NAALADL2: variants seen among roughly 807,000 people sequenced by gnomAD.
NAALADL2 encodes inactive N-acetylated-alpha-linked acidic dipeptidase-like protein 2.
NAALADL2 carries 76 observed loss-of-function variants against 87.2 expected under a neutral mutation model. That is an observed-to-expected ratio of 0.87 (90% confidence interval 0.72 to 1.05). The LOEUF (loss-of-function observed/expected upper bound fraction) is 1.05. NAALADL2 is among the 50% of genes least tolerant of loss of function. The pLI, the probability that NAALADL2 is intolerant of heterozygous loss-of-function variation, is 0.00. For synonymous variants in NAALADL2, 354 were observed against 331.0 expected (o/e 1.07, Z -0.75); for missense variants, 1,089 against 945.8 (o/e 1.15, Z -1.99).
At chr3:174,460,769 T>C (rs143566669) in intron 1 of NAALADL2, among the ~76,000 whole-genome samples, 1 of 152,210 alleles carries the variant, frequency 6.6e-6, no homozygotes, top group Non-Finnish European at 1.5e-5. Context: ...TGTTGAACAC[T>C]TGTTTGCAAA....
chr3:175,090,862 A>G (rs1719968335), intron 1 of NAALADL2, among the ~76,000 whole-genome samples: 1 of 78,120 alleles, frequency 1.3e-5, no homozygotes, highest in Non-Finnish European at 2.4e-5. Flanking sequence ...GCAACAAATA[A>G]TTATTTCTTT....
chr3:175,387,652 G>A (rs1318026406), intron 5 of NAALADL2, among the ~76,000 whole-genome samples: 1 of 152,030 alleles, frequency 6.6e-6, no homozygotes, highest in African/African-American at 2.4e-5. Context: ...AAACACTAGA[G>A]AAAGATTTGT....
intron 2 of NAALADL2, among the ~76,000 whole-genome samples, chr3:175,132,804 C>A (rs1031957364): frequency 6.6e-6 from 1 of 151,562 alleles, no homozygotes; most frequent in African/African-American, 2.4e-5. Context: ...ACCTCCCTCC[C>A]GGACGGGATG....
At chr3:175,034,905 T>G (rs1177875397) in intron 1 of NAALADL2, among the ~76,000 whole-genome samples, 1 of 152,204 alleles carries the variant, frequency 6.6e-6, no homozygotes, top group Admixed American at 6.6e-5. Flanking sequence ...TTTTATATAT[T>G]TCTTTAATGT....
intron 12 of NAALADL2, among the ~76,000 whole-genome samples, chr3:175,749,446 G>T (rs1746353539): frequency 6.6e-6 from 1 of 152,116 alleles, no homozygotes; most frequent in South Asian, 2.1e-4. Context: ...TAAGATCAAG[G>T]AGCTGGCAGG....
intron 3 of NAALADL2, among the ~76,000 whole-genome samples, chr3:174,851,225 A>G (rs1439420585): frequency 6.6e-6 from 1 of 151,996 alleles, no homozygotes; most frequent in Non-Finnish European, 1.5e-5. Context: ...AACCAAACTC[A>G]ATCTTAGTAG....
At chr3:175,635,200 C>T (rs56295445) in intron 11 of NAALADL2, among the ~76,000 whole-genome samples, 40,476 of 151,870 alleles carry the variant, frequency 0.27, 6,232 homozygotes, top group African/African-American at 0.43. Flanking sequence ...TGTAAAGACA[C>T]GCCTTATACT....
intron 5 of NAALADL2, among the ~76,000 whole-genome samples, chr3:175,325,797 C>T (rs1760635452): frequency 6.6e-6 from 1 of 152,184 alleles, no homozygotes; most frequent in African/African-American, 2.4e-5. Flanking sequence ...ATAATCTAAA[C>T]TTCCTAAAAT....
intron 1 of NAALADL2, among the ~76,000 whole-genome samples, chr3:174,915,800 T>C (rs966091846): frequency 1.2e-4 from 19 of 152,118 alleles, no homozygotes; most frequent in African/African-American, 4.6e-4. Context: ...AAAACTCTTC[T>C]GGACATTGGC....
At chr3:175,334,419 A>G (rs572199638) in intron 5 of NAALADL2, among the ~76,000 whole-genome samples, 4 of 152,230 alleles carry the variant, frequency 2.6e-5, no homozygotes, top group African/African-American at 9.6e-5. Context: ...GGCTCTCATG[A>G]TGATCAATGT....
intron 9 of NAALADL2, among the ~76,000 whole-genome samples, chr3:175,558,426 C>T (rs1715716715): frequency 1.3e-5 from 2 of 152,004 alleles, no homozygotes; most frequent in African/African-American, 4.8e-5. Context: ...AGCTTGTTAA[C>T]TTGATGTGAT....
At chr3:174,797,516 C>G (rs1403718891) in intron 3 of NAALADL2, among the ~76,000 whole-genome samples, 1 of 151,648 alleles carries the variant, frequency 6.6e-6, no homozygotes, top group African/African-American at 2.4e-5. Context: ...AGGGTTTCAC[C>G]ATGCTGGGAT....
rs75401181 is a variant in NAALADL2 at position 174,974,033 on chromosome 3, A to G, written c.43+114583A>G. Among the ~76,000 whole-genome samples the G allele has an allele frequency of 6.4e-3, 973 of 152,342 alleles. 9 individuals carry two copies. The highest frequency in any genetic ancestry group is 0.022 in the African/African-American group (931 of 41,578). ...ATTTTTCTACAGTGACACATTAAAAATAGTATTGAAACTTTGTAAGTATTA... is the reference window on the plus strand; with the variant it reads ...ATTTTTCTACAGTGACACATTAAAAGTAGTATTGAAACTTTGTAAGTATTA... On this transcript the variant is annotated intron_variant, in intron 1 of 13. Coordinates refer to ENST00000454872, the MANE Select transcript of NAALADL2 (RefSeq NM_207015.3).
At chr3:175,232,655 G>A (rs1745157914) in intron 2 of NAALADL2, among the ~76,000 whole-genome samples, 1 of 152,184 alleles carries the variant, frequency 6.6e-6, no homozygotes, top group Non-Finnish European at 1.5e-5. Flanking sequence ...AGCTGTCGTG[G>A]GGCCATATGC....
intron 4 of NAALADL2, among the ~76,000 whole-genome samples, chr3:175,316,374 T>C (rs907484617): frequency 6.6e-6 from 1 of 152,140 alleles, no homozygotes; most frequent in Admixed American, 6.6e-5. Flanking sequence ...ACAGTTTCCA[T>C]CAAAAGGCTC....
intron 1 of NAALADL2, among the ~76,000 whole-genome samples, chr3:174,982,821 G>A (rs150961495): frequency 7.8e-4 from 118 of 150,840 alleles, no homozygotes; most frequent in African/African-American, 2.6e-3. Context: ...TTTTTGAGAC[G>A]GAGTCTCGCT....
chr3:174,530,344 C>A (rs781019567), intron 1 of NAALADL2, among the ~76,000 whole-genome samples: 12 of 152,164 alleles, frequency 7.9e-5, no homozygotes, highest in Non-Finnish European at 1.2e-4. Flanking sequence ...TTGTCTATAT[C>A]ATTATCAGCA....
At chr3:174,527,066 T>C (rs1449460088) in intron 1 of NAALADL2, among the ~76,000 whole-genome samples, 1 of 151,996 alleles carries the variant, frequency 6.6e-6, no homozygotes, top group Non-Finnish European at 1.5e-5. Flanking sequence ...GAATGTGTTG[T>C]GATATATCTA....
At chr3:174,720,108 A>G (rs1731567821) in intron 2 of NAALADL2, among the ~76,000 whole-genome samples, 1 of 152,112 alleles carries the variant, frequency 6.6e-6, no homozygotes, top group South Asian at 2.1e-4. Context: ...TCTAGGCAGT[A>G]ATCTTATTAA....
Sources: gnomAD v4.1 joint callset for allele counts (sites outside exome capture counted in the v4.1 genomes callset) on GRCh38, gnomAD v4.1.1 for gene constraint, MANE v1.5 for transcripts, NCBI Gene and HGNC (gene_info 2026-07-23, HGNC 2026-07-21) for gene names.